Variants in TPP2 observed in about 807,000 individuals in gnomAD.
The protein encoded by TPP2 is tripeptidyl peptidase 2.
TPP2 carries 34 observed loss-of-function variants against 155.9 expected under a neutral mutation model. That is an observed-to-expected ratio of 0.22 (90% CI 0.17 to 0.29). The LOEUF is 0.29. Among genes scored for constraint, TPP2 ranks in the 10% least tolerant of loss-of-function variants. TPP2 has a pLI of 1.00. For synonymous variants in TPP2, 510 were observed against 529.4 expected (o/e 0.96, Z 0.50); for missense variants, 1,028 against 1,522.3 (o/e 0.68, Z 5.40).
At chr13:102,616,116 C>T (rs1880701201) in intron 3 of TPP2, among the ~76,000 whole-genome samples, 1 of 152,246 alleles carries the variant, frequency 6.6e-6, no homozygotes, top group Non-Finnish European at 1.5e-5. Context: ...GCCACCCCAC[C>T]TGGCTAATTT....
chr13:102,647,992 A>G (rs977248028), intron 21 of TPP2, among the ~76,000 whole-genome samples: 2 of 152,190 alleles, frequency 1.3e-5, no homozygotes, highest in African/African-American at 4.8e-5. Flanking sequence ...TGTTAAAGGA[A>G]TGGTATCGAT....
At chr13:102,611,871 G>C (rs914048489) in intron 2 of TPP2, among the ~76,000 whole-genome samples, 3 of 152,140 alleles carry the variant, frequency 2.0e-5, no homozygotes, top group Non-Finnish European at 2.9e-5. Flanking sequence ...CCAACACCAT[G>C]TGTTCCACAA....
intron 28 of TPP2, among the ~76,000 whole-genome samples, chr13:102,675,113 A>G (rs1475002279): frequency 6.6e-6 from 1 of 152,242 alleles, no homozygotes; most frequent in African/African-American, 2.4e-5. Flanking sequence ...AAATGGAGTC[A>G]GTAGGATTCC....
In TPP2 at chr13:102,676,349, C is replaced by A; in HGVS notation, c.3633C>A (p.Gly1211=). 1 of 1,610,244 alleles carries A rather than the reference C, an allele frequency of 6.2e-7. No homozygotes were observed. The highest frequency in any genetic ancestry group is 1.1e-5 in the South Asian group (1 of 90,934). ...HALVNKMYGR[G]LKFATKLVEE... Reference sequence around the variant, plus strand: ...TAGTAAATAAAATGTATGGGAGAGGCCTTAAATTTGCAACTAAACTTGTGG... The same window carrying A: ...TAGTAAATAAAATGTATGGGAGAGGACTTAAATTTGCAACTAAACTTGTGG... The change falls in exon 29 of 30, where the codon GGC becomes GGA. Residue 1211 remains glycine (G), a synonymous_variant. Coordinates refer to ENST00000376052, the MANE Select transcript of TPP2 (RefSeq NM_001330588.2).
intron 3 of TPP2, among the ~76,000 whole-genome samples, chr13:102,615,864 T>C (rs1880680662): frequency 6.6e-6 from 1 of 152,360 alleles, no homozygotes; most frequent in African/African-American, 2.4e-5. Flanking sequence ...TCTGGATGTG[T>C]CTTGGTAAAC....
rs1479709146 is a variant in TPP2, at chr13:102,676,434, G to A, written c.3699+19G>A. ...TATTCAAGTAAGTGATATTTAAAAT[G>A]TCACTGTTAAGCATCACTTTGATAT... is the stretch of plus-strand genomic sequence containing the variant. On this transcript the variant is annotated intron_variant, in intron 29 of 29. Coordinates refer to ENST00000376052, the MANE Select transcript of TPP2 (RefSeq NM_001330588.2). 6.2e-7 allele frequency: 1 copy of A among 1,604,840 alleles called. No homozygotes were observed. Among genetic ancestry groups the A allele is most frequent in the South Asian group, 1.1e-5 (1 of 90,598 alleles).
At chr13:102,629,689 C>G (rs1595163048) in intron 9 of TPP2, 80 bp downstream of exon 9, 1 of 1,483,676 alleles carries the variant, frequency 6.7e-7, no homozygotes, top group Non-Finnish European at 8.9e-7. Context: ...TTACCTGTAT[C>G]TCTGCTACAC....
At position 102,597,086 on chromosome 13, in the gene TPP2, G is replaced by A; in HGVS notation, c.48G>A (p.Leu16=). ...TEEPFPFHGL[L]PKKETGAASF... ...AGCCCTTCCCTTTTCACGGTCTCCT[G>A]CCGAAGAAGGAGACCGGAGCCGCCT... The change falls in exon 1 of 30, where the codon CTG becomes CTA. Residue 16 remains leucine, a synonymous_variant. Coordinates refer to ENST00000376052, the MANE Select transcript of TPP2 (RefSeq NM_001330588.2). 1 of 1,611,776 alleles carries A rather than the reference G, an allele frequency of 6.2e-7. No homozygotes were observed. The highest frequency in any genetic ancestry group is 1.9e-4 in the Middle Eastern group (1 of 5,156).
At chr13:102,639,118 C>T (rs534447632) in intron 15 of TPP2, among the ~76,000 whole-genome samples, 1 of 152,250 alleles carries the variant, frequency 6.6e-6, no homozygotes, top group South Asian at 2.1e-4. Context: ...TTTACGTGCC[C>T]CTGGACAGAC....
chr13:102,642,961 G>A (rs1166766538), intron 16 of TPP2, among the ~76,000 whole-genome samples: 1 of 152,178 alleles, frequency 6.6e-6, no homozygotes, highest in African/African-American at 2.4e-5. Context: ...GTTTCCAGGT[G>A]TTTGCAGCCT....
rs775929706 is a variant in TPP2, at chr13:102,649,155, A to G, written c.2873+4A>G. On this transcript the variant is annotated splice_donor_region_variant and intron_variant, in intron 22 of 29. Transcript: ENST00000376052. ...TTACTTCCTTACCTGATGATAAGTA[A>G]GTGATAACATTGCTTATACTTACTG... 6.3e-7 allele frequency: 1 copy of G among 1,599,150 alleles called. No homozygotes were observed. Among genetic ancestry groups the G allele is most frequent in the East Asian group, 2.2e-5 (1 of 44,754 alleles).
intron 3 of TPP2, among the ~76,000 whole-genome samples, chr13:102,614,578 G>A (rs954830494): frequency 6.6e-6 from 1 of 152,164 alleles, no homozygotes; most frequent in East Asian, 1.9e-4. Flanking sequence ...TGTTCCTGTA[G>A]TTTCTGTGAT....
intron 16 of TPP2, among the ~76,000 whole-genome samples, chr13:102,642,950 T>C (rs545851225): frequency 6.6e-6 from 1 of 152,368 alleles, no homozygotes; most frequent in South Asian, 2.1e-4. Flanking sequence ...GACAGCTTGC[T>C]GTTTCCAGGT....
chr13:102,656,473 A>G (rs769471073), intron 24 of TPP2, among the ~76,000 whole-genome samples: 8 of 151,946 alleles, frequency 5.3e-5, no homozygotes, highest in Admixed American at 2.6e-4. Context: ...TTCTATAACC[A>G]CTTTGTGTCC....
At chr13:102,635,544 G>A (rs759163851) in intron 11 of TPP2, 43 bp from the exon 12 acceptor site, 3 of 1,475,018 alleles carry the variant, frequency 2.0e-6, no homozygotes, top group Non-Finnish European at 2.8e-6. Context: ...TAAGGTTTCA[G>A]ATAGTGAGTG....
intron 6 of TPP2, among the ~76,000 whole-genome samples, chr13:102,623,761 C>G (rs1216159874): frequency 6.6e-6 from 1 of 152,136 alleles, no homozygotes; most frequent in Non-Finnish European, 1.5e-5. Flanking sequence ...GTGTGTTATT[C>G]TTACTGTGAA....
intron 2 of TPP2, among the ~76,000 whole-genome samples, chr13:102,605,525 G>A (rs868158406): frequency 6.6e-6 from 1 of 152,028 alleles, no homozygotes; most frequent in African/African-American, 2.4e-5. Flanking sequence ...AGAATTGGGC[G>A]GTATTTTTCA....
intron 2 of TPP2, among the ~76,000 whole-genome samples, chr13:102,610,418 C>T (rs994251902): frequency 1.3e-5 from 2 of 152,048 alleles, no homozygotes; most frequent in South Asian, 4.1e-4. Flanking sequence ...TTAGTAGAGA[C>T]TGGGTTTCAC....
chr13:102,641,979 A>G (rs1388508960), intron 16 of TPP2, among the ~76,000 whole-genome samples: 1 of 152,136 alleles, frequency 6.6e-6, no homozygotes, highest in Admixed American at 6.5e-5. Flanking sequence ...AGAGAACTGG[A>G]TTAGAGGGAG....
Sources: allele counts gnomAD v4.1 joint callset (sites outside exome capture counted in the v4.1 genomes callset), GRCh38; gene constraint gnomAD v4.1.1; transcripts MANE v1.5; gene names NCBI Gene and HGNC (gene_info 2026-07-23, HGNC 2026-07-21).